Variants in LHFPL6 observed in about 807,000 individuals in gnomAD.
LHFPL6 encodes LHFPL tetraspan subfamily member 6.
A neutral mutation model predicts 20.6 loss-of-function variants in LHFPL6; 9 were observed. The observed-to-expected ratio is 0.44, with a 90% CI of 0.26 to 0.76. The LOEUF is 0.76. LHFPL6 is among the 30% of genes least tolerant of loss of function. LHFPL6 has a pLI of 0.20. For synonymous variants in LHFPL6, 105 were observed against 98.7 expected (o/e 1.06, Z -0.38); for missense variants, 218 against 253.5 (o/e 0.86, Z 0.95).
intron 2 of LHFPL6, among the ~76,000 whole-genome samples, chr13:39,517,583 T>A (rs144694108): frequency 4.1e-4 from 63 of 152,312 alleles, no homozygotes; most frequent in African/African-American, 1.3e-3. Context: ...TTTCCTCAAC[T>A]CCTTGAAAAA....
chr13:39,521,904 A>G (rs916367182), intron 2 of LHFPL6, among the ~76,000 whole-genome samples: 3 of 152,202 alleles, frequency 2.0e-5, no homozygotes, highest in Non-Finnish European at 2.9e-5. Flanking sequence ...AAAACCAATT[A>G]GTGACGTGAA....
At chr13:39,449,477 T>C (rs561192323) in intron 2 of LHFPL6, among the ~76,000 whole-genome samples, 1 of 152,338 alleles carries the variant, frequency 6.6e-6, no homozygotes, top group South Asian at 2.1e-4. Flanking sequence ...GTTATGATTT[T>C]CCCACAATAT....
chr13:39,529,820 A>G (rs1454232722), intron 2 of LHFPL6, among the ~76,000 whole-genome samples: 1 of 152,244 alleles, frequency 6.6e-6, no homozygotes, highest in Non-Finnish European at 1.5e-5. Flanking sequence ...ACTTGCATTT[A>G]TAATCCAAAA....
intron 2 of LHFPL6, among the ~76,000 whole-genome samples, chr13:39,488,958 A>G (rs996384227): frequency 4.6e-5 from 7 of 152,144 alleles, no homozygotes; most frequent in East Asian, 1.9e-4. Context: ...AAATGCCCCA[A>G]TAGAAAACCG....
At chr13:39,481,690 G>C (rs1868532205) in intron 2 of LHFPL6, among the ~76,000 whole-genome samples, 1 of 152,098 alleles carries the variant, frequency 6.6e-6, no homozygotes, top group Admixed American at 6.5e-5. Flanking sequence ...AAAGGAAGGG[G>C]GCGGGAGACT....
chr13:39,532,030 T>G (rs1454410211), intron 2 of LHFPL6, among the ~76,000 whole-genome samples: 3 of 152,196 alleles, frequency 2.0e-5, no homozygotes, highest in South Asian at 4.1e-4. Context: ...ATGCAAACTA[T>G]AATGCCAACA....
rs537420526 is a variant in LHFPL6 at position 39,585,093 on chromosome 13, A to T, written c.385+15739T>A. ...ACAGCACCCCAATACACCCATATGG[A>T]AGGTGCATTAGTAGATTACTGAGAG... On this transcript the variant is annotated intron_variant, in intron 2 of 3. Coordinates refer to ENST00000379589, the MANE Select transcript of LHFPL6 (RefSeq NM_005780.3). 1.3e-5 allele frequency among the ~76,000 whole-genome samples: 2 copies of T among 152,296 alleles called. 1 individual carries two copies. Among genetic ancestry groups the T allele is most frequent in the Middle Eastern group, 6.8e-3 (2 of 294 alleles).
chr13:39,401,854 G>A (rs1870998925), intron 2 of LHFPL6, among the ~76,000 whole-genome samples: 1 of 152,100 alleles, frequency 6.6e-6, no homozygotes, highest in African/African-American at 2.4e-5. Flanking sequence ...TCAACAATAG[G>A]TGCCTTGGTC....
At chr13:39,435,856 A>G (rs1031045817) in intron 2 of LHFPL6, among the ~76,000 whole-genome samples, 4 of 152,164 alleles carry the variant, frequency 2.6e-5, no homozygotes, top group African/African-American at 9.7e-5. Context: ...CTATTGAAAC[A>G]GGTCATATGC....
chr13:39,522,189 G>A (rs1264379182), intron 2 of LHFPL6, among the ~76,000 whole-genome samples: 1 of 152,202 alleles, frequency 6.6e-6, no homozygotes, highest in Middle Eastern at 3.2e-3. Flanking sequence ...CACTGTGCAA[G>A]TGCTTAACAA....
chr13:39,392,920 A>G (rs1041267394), intron 2 of LHFPL6, among the ~76,000 whole-genome samples: 4 of 152,150 alleles, frequency 2.6e-5, no homozygotes, highest in African/African-American at 9.7e-5. Flanking sequence ...AAATATTTTG[A>G]AAAAATTTAC....
At chr13:39,352,970 C>CAT (rs1454165879) in intron 3 of LHFPL6, among the ~76,000 whole-genome samples, 3 of 62,274 alleles carry the variant, frequency 4.8e-5, no homozygotes, top group Non-Finnish European at 8.2e-5. Context: ...TACACACACA[C>CAT]ACATATATAT....
At chr13:39,497,960 C>G in intron 2 of LHFPL6, among the ~76,000 whole-genome samples, 1 of 152,200 alleles carries the variant, frequency 6.6e-6, no homozygotes, top group East Asian at 1.9e-4. Flanking sequence ...CTAGTATACA[C>G]TTGTAAAGCT....
At chr13:39,562,427 T>TATACATATAC (rs1484256189) in intron 2 of LHFPL6, among the ~76,000 whole-genome samples, 1 of 144,144 alleles carries the variant, frequency 6.9e-6, no homozygotes, top group African/African-American at 2.6e-5. Context: ...CATATACATA[T>TATACATATAC]ATACATATAT....
chr13:39,376,720 T>A (rs1870302808), intron 3 of LHFPL6, among the ~76,000 whole-genome samples: 2 of 152,314 alleles, frequency 1.3e-5, no homozygotes, highest in South Asian at 4.2e-4. Context: ...TTAGATCAAT[T>A]CCCTCACAAT....
intron 2 of LHFPL6, among the ~76,000 whole-genome samples, chr13:39,428,548 T>C (rs1034713194): frequency 3.9e-5 from 6 of 152,186 alleles, no homozygotes; most frequent in Non-Finnish European, 7.4e-5. Flanking sequence ...GATATCACCT[T>C]CCTCATTCCT....
chr13:39,489,204 G>A (rs749114541), intron 2 of LHFPL6, among the ~76,000 whole-genome samples: 1 of 152,164 alleles, frequency 6.6e-6, no homozygotes, highest in Non-Finnish European at 1.5e-5. Context: ...ACAATGGTAT[G>A]AGAACCTAAA....
At chr13:39,526,805 G>A (rs1037374854) in intron 2 of LHFPL6, among the ~76,000 whole-genome samples, 5 of 152,152 alleles carry the variant, frequency 3.3e-5, no homozygotes, top group Admixed American at 1.3e-4. Flanking sequence ...CTGTAATTTC[G>A]AAGGCTTTAA....
intron 2 of LHFPL6, among the ~76,000 whole-genome samples, chr13:39,540,095 T>G (rs1034308178): frequency 6.6e-6 from 1 of 152,106 alleles, no homozygotes; most frequent in Admixed American, 6.6e-5. Context: ...AGTGTTAAGA[T>G]AGCCTATAAA....
Sources: gnomAD v4.1 joint callset for allele counts (sites outside exome capture counted in the v4.1 genomes callset) on GRCh38, gnomAD v4.1.1 for gene constraint, MANE v1.5 for transcripts, NCBI Gene and HGNC (gene_info 2026-07-23, HGNC 2026-07-21) for gene names.